Variants in IFNAR2 observed in about 807,000 individuals in gnomAD.
The protein encoded by IFNAR2 is interferon alpha and beta receptor subunit 2, also known as interferon alpha/beta receptor 2.
In IFNAR2, 30 loss-of-function variants were observed where a neutral mutation model predicts 49.4. That is an observed-to-expected ratio of 0.61 (90% CI 0.45 to 0.82). The LOEUF (loss-of-function observed/expected upper bound fraction) is 0.82, where lower values mean the gene tolerates loss of function less well. IFNAR2 is among the 40% of genes least tolerant of loss of function. IFNAR2 has a pLI of 0.00. For synonymous variants in IFNAR2, 224 were observed against 234.5 expected, an observed-to-expected ratio of 0.96 and a Z score of 0.41; for missense variants, 600 against 622.7, an observed-to-expected ratio of 0.96 and a Z score of 0.39.
rs1246720174 is a variant in IFNAR2 at position 33,241,902 on chromosome 21, A to G, written c.-21A>G. On this transcript the variant is annotated 5_prime_UTR_variant, in exon 2 of 9. Transcript: ENST00000342136. The stretch of plus-strand genomic sequence containing the variant: ...TGATTTCAGATGTAAAAGTCAAGAG[A>G]AGACTCTAAAAATAGCAAAGATGCT... The G allele has an allele frequency of 6.2e-7, 1 of 1,610,296 alleles. No individual in the cohort carries two copies. The highest frequency in any genetic ancestry group is 1.3e-5 in the African/African-American group (1 of 74,878).
chr21:33,253,724 A>G (rs1333878104), intron 7 of IFNAR2, among the ~76,000 whole-genome samples: 4 of 152,204 alleles, frequency 2.6e-5, no homozygotes, highest in African/African-American at 9.6e-5. Flanking sequence ...ATGCTAAACA[A>G]GGGGTGGATT....
intron 1 of IFNAR2, among the ~76,000 whole-genome samples, chr21:33,238,071 CG>C (rs1986614691): frequency 1.3e-5 from 2 of 152,288 alleles, no homozygotes; most frequent in South Asian, 4.1e-4. Flanking sequence ...AATCTTCCTG[CG>C]TATCATCAAA....
At chr21:33,252,928 C>T in intron 7 of IFNAR2, 98 bp downstream of exon 7, 2 of 984,940 alleles carry the variant, frequency 2.0e-6, no homozygotes, top group Non-Finnish European at 3.3e-6. Flanking sequence ...ATTCATGGAG[C>T]ACTAAAGGTC....
chr21:33,248,624 A>G, intron 5 of IFNAR2, 85 bp from the exon 6 acceptor site: 6 of 1,289,650 alleles, frequency 4.7e-6, no homozygotes, highest in South Asian at 3.3e-5. Flanking sequence ...TTTTCTATAC[A>G]GGGCCAGAGA....
Position 33,230,960 on chromosome 21 carries a change from G to A in IFNAR2, c.-84+744G>A, listed in dbSNP as rs1487228104. 6.6e-6 allele frequency among the ~76,000 whole-genome samples: 1 copy of A among 152,204 alleles called. No homozygotes were observed. The highest frequency in any genetic ancestry group is 1.9e-4 in the East Asian group (1 of 5,204). ...CCATCAGCCCGTTTATTTGGTTAGC[G>A]ATGGTTATATTGACTCTGAGTATTC... On this transcript the variant is annotated intron_variant, in intron 1 of 8. Coordinates refer to ENST00000342136, the MANE Select transcript of IFNAR2 (RefSeq NM_001289125.3). The surrounding 1 kb of genome is among the most constrained non-coding windows in gnomAD (Gnocchi z 5.5).
intron 7 of IFNAR2, among the ~76,000 whole-genome samples, chr21:33,254,973 C>T (rs1291794224): frequency 1.3e-5 from 2 of 152,120 alleles, no homozygotes; most frequent in Non-Finnish European, 2.9e-5. Context: ...TGAAGTGAGC[C>T]ACGGAACGTT....
At position 33,236,787 on chromosome 21, in the gene IFNAR2, A is replaced by G. The variant is rs1310948468; in HGVS notation, c.-83-5053A>G. 3 of 983,738 alleles carry G rather than the reference A, an allele frequency of 3.0e-6. No individual in the cohort carries two copies. In the African/African-American group the frequency reaches 5.2e-5, roughly 17 times the overall value. The allele number at this position is 983,738 out of a possible 1,614,324, so 60.9% of individuals were successfully genotyped here. On this transcript the variant is annotated intron_variant, in intron 1 of 8. Transcript: ENST00000342136. Reference sequence around the variant, plus strand: ...GAAAGATAAAATGGTTAAGAATTTCAGGATAGCCACAGGAGAACCTCAAGC... The same window carrying G: ...GAAAGATAAAATGGTTAAGAATTTCGGGATAGCCACAGGAGAACCTCAAGC...
intron 8 of IFNAR2, among the ~76,000 whole-genome samples, chr21:33,261,023 A>ATGTT (rs1364843786): frequency 3.0e-4 from 25 of 84,218 alleles, no homozygotes; most frequent in African/African-American, 1.1e-3. Flanking sequence ...TGTGCATTTT[A>ATGTT]TGTTTTCTTT....
In IFNAR2 at chr21:33,252,332, C is replaced by G. The variant is rs1987912050; in HGVS notation, c.541-330C>G. The G allele has an allele frequency of 4.7e-6, 3 of 636,084 alleles. No homozygotes were observed. In the South Asian group the frequency reaches 5.7e-5, roughly 12 times the overall value. 39.4% of individuals were successfully genotyped at this position (636,084 alleles called of 1,614,324 possible). ...CTTTCTCAAGTGTAAAGTAGACACA[C>G]ACTGTCCATGAGAGAAGATAATCTT... is the stretch of plus-strand genomic sequence containing the variant. On this transcript the variant is annotated intron_variant, in intron 6 of 8. Coordinates refer to ENST00000342136, the MANE Select transcript of IFNAR2 (RefSeq NM_001289125.3).
intron 6 of IFNAR2, 141 bp from the exon 7 acceptor site, chr21:33,252,521 G>GATGACT (rs1987927171): frequency 6.9e-7 from 1 of 1,442,120 alleles, no homozygotes; most frequent in South Asian, 1.5e-5. Flanking sequence ...ACTTGCTCCA[G>GATGACT]ATGACTTATA....
At position 33,230,317 on chromosome 21, in the gene IFNAR2, C is replaced by T. The variant is rs1358083127; in HGVS notation, c.-84+101C>T. The stretch of plus-strand genomic sequence containing the variant: ...GCGGTTCCCGGAATCCCCTCCGGTT[C>T]CCTCTCGCTCTCCCCGACTCCTCCT... On this transcript the variant is annotated intron_variant, in intron 1 of 8. Transcript: ENST00000342136. This position sits in a 1 kb window ranked among gnomAD's most constrained non-coding sequence, Gnocchi z 5.5. 6 of 972,680 alleles carry T rather than the reference C, an allele frequency of 6.2e-6. No homozygotes were observed. The Admixed American group carries it at 1.9e-4, about 30-fold the overall frequency. The allele number at this position is 972,680 out of a possible 1,614,324, so 60.3% of individuals were successfully genotyped here.
chr21:33,248,700 T>C lies in IFNAR2; in HGVS notation c.395-9T>C. 2 of 1,596,452 alleles carry C rather than the reference T, an allele frequency of 1.3e-6. No homozygotes were observed. Among genetic ancestry groups the C allele is most frequent in the South Asian group, 2.3e-5 (2 of 87,818 alleles). ...GACATATTCCTGTCTGTTTTTGTTT[T>C]TTGCACAGTGTCTTTTGAACCACCA... On this transcript the variant is annotated splice_polypyrimidine_tract_variant and intron_variant, in intron 5 of 8. Coordinates refer to ENST00000342136, the MANE Select transcript of IFNAR2 (RefSeq NM_001289125.3).
chr21:33,235,818 C>T (rs972766003), intron 1 of IFNAR2, among the ~76,000 whole-genome samples: 2 of 152,028 alleles, frequency 1.3e-5, no homozygotes, highest in Non-Finnish European at 2.9e-5. Context: ...CCCAGCTACT[C>T]TGGAGGCTCA....
chr21:33,230,665 T>G lies in IFNAR2; in HGVS notation c.-84+449T>G, dbSNP rs1167258109. 8.7e-6 allele frequency: 4 copies of G among 458,930 alleles called. No homozygotes were observed. The highest frequency in any genetic ancestry group is 1.8e-5 in the Non-Finnish European group (4 of 221,006). 28.4% of individuals were successfully genotyped at this position (458,930 alleles called of 1,614,324 possible). A position where few individuals can be genotyped will look rare whatever the true frequency, so the allele number is the denominator to read the frequency against. On this transcript the variant is annotated intron_variant, in intron 1 of 8. Transcript: ENST00000342136. The surrounding 1 kb of genome is among the most constrained non-coding windows in gnomAD (Gnocchi z 5.5). The stretch of plus-strand genomic sequence containing the variant: ...GTTCGGGATCTCCAGCCCGCCCCCT[T>G]GAGGTCCCCTGGGATTAGCCCCCCT...
Position 33,230,213 on chromosome 21 carries a change from A to T in IFNAR2, c.-87A>T. 9.4e-7 allele frequency: 1 copy of T among 1,065,462 alleles called. No homozygotes were observed. Among genetic ancestry groups the T allele is most frequent in the Non-Finnish European group, 1.1e-6 (1 of 875,092 alleles). 66.0% of individuals were successfully genotyped at this position (1,065,462 alleles called of 1,614,324 possible). A position where few individuals can be genotyped will look rare whatever the true frequency, so the allele number is the denominator to read the frequency against. The stretch of plus-strand genomic sequence containing the variant: ...TCGGGAGCCGCAAGGCGAGAGCTGC[A>T]AAGGTAACGCAGCGTGGCGGGGTCG... On this transcript the variant is annotated 5_prime_UTR_variant, in exon 1 of 9. Coordinates refer to ENST00000342136, the MANE Select transcript of IFNAR2 (RefSeq NM_001289125.3). The surrounding 1 kb of genome is among the most constrained non-coding windows in gnomAD (Gnocchi z 5.5).
chr21:33,248,429 AAG>A (rs1987606068), intron 5 of IFNAR2, among the ~76,000 whole-genome samples: 1 of 151,988 alleles, frequency 6.6e-6, no homozygotes, highest in Non-Finnish European at 1.5e-5. Context: ...AAAAGAAAGA[AAG>A]AAATTATTAA....
rs1987637818 is a variant in IFNAR2, at chr21:33,248,823, T to C, written c.509T>C (p.Ile170Thr). 1 of 1,607,972 alleles carries C rather than the reference T, an allele frequency of 6.2e-7. No individual in the cohort carries two copies. The highest frequency in any genetic ancestry group is 8.5e-7 in the Non-Finnish European group (1 of 1,177,646). ...TTACAGTTTGATTTATCTCTCGTCATTGAAGAACAGTCAGAGGGAATTGTT... is the reference window on the plus strand; with the variant it reads ...TTACAGTTTGATTTATCTCTCGTCACTGAAGAACAGTCAGAGGGAATTGTT... Reference protein sequence around the residue: ...EELQFDLSLVIEEQSEGIVKK... With the variant: ...EELQFDLSLVTEEQSEGIVKK... The change falls in exon 6 of 9, where the codon ATT becomes ACT. Residue 170 changes from isoleucine to threonine, a missense_variant. Transcript: ENST00000342136.
In IFNAR2 at chr21:33,262,837, G is replaced by C. The variant is rs767767144; in HGVS notation, c.885G>C (p.Pro295=). The C allele has an allele frequency of 6.2e-7, 1 of 1,609,548 alleles. No individual in the cohort carries two copies. The highest frequency in any genetic ancestry group is 1.7e-4 in the Middle Eastern group (1 of 6,042). ...FLAWPFPNLP[P]LEAMDMVEVI... is the part of the protein sequence containing the mutation. ...CCTGGCCATTTCCTAACCTGCCACCGTTGGAAGCCATGGATATGGTGGAGG... is the reference window on the plus strand; with the variant it reads ...CCTGGCCATTTCCTAACCTGCCACCCTTGGAAGCCATGGATATGGTGGAGG... Residue 295 remains proline (P), a synonymous_variant, in exon 9 of 9, where the codon CCG becomes CCC. Coordinates refer to ENST00000342136, the MANE Select transcript of IFNAR2 (RefSeq NM_001289125.3).
chr21:33,236,778 A>C, intron 1 of IFNAR2: 1 of 984,368 alleles, frequency 1.0e-6, no homozygotes, highest in South Asian at 4.7e-5. Context: ...TAAAATGGTT[A>C]AGAATTTCAG....
Sources: allele counts gnomAD v4.1 joint callset (sites outside exome capture counted in the v4.1 genomes callset), GRCh38; gene constraint gnomAD v4.1.1; non-coding constraint Gnocchi (gnomAD v3.1); transcripts MANE v1.5; gene names NCBI Gene and HGNC (gene_info 2026-07-23, HGNC 2026-07-21).